The following TENM2 variants were observed in gnomAD, a reference collection of about 807,000 sequenced individuals.
TENM2 encodes teneurin-2.
Under a neutral mutation model 245.2 loss-of-function variants are expected in TENM2, and 52 were observed. The ratio of observed to expected loss-of-function variants is 0.21; its 90% CI spans 0.17 to 0.27. TENM2 has a LOEUF of 0.27. Among genes scored for constraint, TENM2 ranks in the 10% least tolerant of loss-of-function variants. The pLI, the probability that TENM2 is intolerant of heterozygous loss-of-function variation, is 1.00. For synonymous variants in TENM2, 1,363 were observed against 1,438.9 expected (o/e 0.95, Z 1.19); for missense variants, 3,046 against 3,666.8 (o/e 0.83, Z 4.37).
chr5:168,200,000 A>C, exon 17 of TENM2: 1 of 1,613,976 alleles, frequency 6.2e-7, no homozygotes, highest in Non-Finnish European at 8.5e-7. Context: ...ATTAGGGTTC[A>C]CCTGATGGTG....
intron 13 of TENM2, among the ~76,000 whole-genome samples, chr5:168,181,064 G>A (rs1391914942): frequency 6.6e-6 from 1 of 152,238 alleles, no homozygotes; most frequent in Non-Finnish European, 1.5e-5. Context: ...ACGGTGCTCA[G>A]AGCAACAACA....
chr5:167,844,043 GTA>G lies in TENM2; in HGVS notation c.503-31939_503-31938del, dbSNP rs374262137. Among the ~76,000 whole-genome samples, 32 of 152,328 alleles carry G rather than the reference GTA, an allele frequency of 2.1e-4. 1 individual carries two copies. In the East Asian group the frequency reaches 4.0e-3, roughly 19 times the overall value. ...TTTATAGTGAAGATATACATTGAAA[GTA>G]TATGTTTCCTTACTGCCTGTACAGC... is the stretch of plus-strand genomic sequence containing the variant. On this transcript the variant is annotated intron_variant, in intron 2 of 28. Coordinates refer to ENST00000518659, the Ensembl canonical transcript of TENM2.
chr5:167,641,632 A>T (rs1779619428), intron 2 of TENM2, among the ~76,000 whole-genome samples: 1 of 152,196 alleles, frequency 6.6e-6, no homozygotes, highest in Admixed American at 6.5e-5. Context: ...TGAGCATCAA[A>T]ATCAATTTTA....
intron 9 of TENM2, among the ~76,000 whole-genome samples, chr5:168,108,791 C>T (rs553240947): frequency 1.3e-5 from 2 of 152,102 alleles, no homozygotes; most frequent in Non-Finnish European, 2.9e-5. Context: ...GCTCTCTGAG[C>T]CCCCTCTGGC....
intron 2 of TENM2, among the ~76,000 whole-genome samples, chr5:167,856,821 C>A (rs577710342): frequency 1.3e-5 from 2 of 152,142 alleles, no homozygotes; most frequent in Admixed American, 1.3e-4. Flanking sequence ...TGACAAGAGC[C>A]GCTCAGGACT....
At chr5:167,306,819 A>G (rs1755705898) in intron 1 of TENM2, among the ~76,000 whole-genome samples, 1 of 152,220 alleles carries the variant, frequency 6.6e-6, no homozygotes, top group Non-Finnish European at 1.5e-5. Context: ...ACTTGTAGCA[A>G]TAATGTTAAT....
chr5:167,994,723 T>C (rs1490978706), intron 5 of TENM2, among the ~76,000 whole-genome samples: 2 of 152,168 alleles, frequency 1.3e-5, no homozygotes, highest in East Asian at 3.9e-4. Context: ...AAGTGTAGCT[T>C]GCACTCTAAA....
chr5:167,005,207 A>G, the TENM2 span, among the ~76,000 whole-genome samples: 1 of 152,136 alleles, frequency 6.6e-6, no homozygotes, highest in Non-Finnish European at 1.5e-5. Flanking sequence ...TTCTGCATTC[A>G]GTGTGTACGA....
chr5:168,249,041 C>T (rs1267458463), intron 27 of TENM2, among the ~76,000 whole-genome samples: 9 of 151,410 alleles, frequency 5.9e-5, no homozygotes, highest in African/African-American at 9.7e-5. Context: ...ATCACTTGAA[C>T]TCAGGAAAGC....
At chr5:167,819,788 C>A (rs1157126034) in intron 2 of TENM2, among the ~76,000 whole-genome samples, 3 of 152,140 alleles carry the variant, frequency 2.0e-5, no homozygotes, top group Non-Finnish European at 4.4e-5. Flanking sequence ...GACTTGAGGA[C>A]AGAATCATTG....
chr5:168,149,235 C>G (rs1419254292), intron 12 of TENM2, among the ~76,000 whole-genome samples: 1 of 152,150 alleles, frequency 6.6e-6, no homozygotes, highest in Non-Finnish European at 1.5e-5. Context: ...CGCGTCTCCA[C>G]TCTCAGCCAT....
At chr5:167,430,983 T>C (rs1764184536) in intron 2 of TENM2, among the ~76,000 whole-genome samples, 1 of 152,210 alleles carries the variant, frequency 6.6e-6, no homozygotes, top group South Asian at 2.1e-4. Context: ...AATTCAAGAA[T>C]TTTAATGATT....
At chr5:167,764,279 T>C (rs1383403356) in intron 2 of TENM2, among the ~76,000 whole-genome samples, 1 of 152,144 alleles carries the variant, frequency 6.6e-6, no homozygotes, top group Non-Finnish European at 1.5e-5. Flanking sequence ...TCAGTGACCC[T>C]CCCTTTCCCC....
the TENM2 span, among the ~76,000 whole-genome samples, chr5:167,189,506 C>T: frequency 1.3e-5 from 2 of 150,934 alleles, no homozygotes; most frequent in East Asian, 2.0e-4. Flanking sequence ...TCCTTCCTTC[C>T]CCCTTTCTTC....
At chr5:167,807,310 C>T (rs932662647) in intron 2 of TENM2, among the ~76,000 whole-genome samples, 68 of 152,028 alleles carry the variant, frequency 4.5e-4, no homozygotes, top group South Asian at 8.3e-4. Context: ...CCATTGTGTT[C>T]ATGGACCCAT....
chr5:167,377,023 A>G (rs1760790727), intron 2 of TENM2, among the ~76,000 whole-genome samples: 1 of 152,238 alleles, frequency 6.6e-6, no homozygotes, highest in Non-Finnish European at 1.5e-5. Flanking sequence ...ATACAGAGTT[A>G]TTTATACATA....
intron 2 of TENM2, among the ~76,000 whole-genome samples, chr5:167,509,939 TTAAACC>T (rs1338574464): frequency 3.9e-5 from 6 of 152,166 alleles, no homozygotes; most frequent in Non-Finnish European, 8.8e-5. Flanking sequence ...TATATCATAG[TTAAACC>T]TAAACTACAA....
At chr5:168,031,466 G>A (rs571668195) in intron 5 of TENM2, among the ~76,000 whole-genome samples, 14 of 152,056 alleles carry the variant, frequency 9.2e-5, no homozygotes, top group Non-Finnish European at 1.8e-4. Context: ...GCTCTTTGTC[G>A]GGTTCTTAAC....
At chr5:167,299,315 A>C (rs1211185555) in intron 1 of TENM2, among the ~76,000 whole-genome samples, 1 of 152,210 alleles carries the variant, frequency 6.6e-6, no homozygotes, top group Non-Finnish European at 1.5e-5. Context: ...GAAGGAAAGA[A>C]ATGACTGCAG....
Sources: gnomAD v4.1 joint callset for allele counts (sites outside exome capture counted in the v4.1 genomes callset) on GRCh38, gnomAD v4.1.1 for gene constraint, MANE v1.5 for transcripts, NCBI Gene and HGNC (gene_info 2026-07-23, HGNC 2026-07-21) for gene names.